The following C10orf90 variants were observed in gnomAD, a reference collection of about 807,000 sequenced individuals.
C10orf90 encodes (E2-independent) E3 ubiquitin-conjugating enzyme FATS.
A neutral mutation model predicts 62.5 loss-of-function variants in C10orf90; 56 were observed. That is an observed-to-expected ratio of 0.90 (90% CI 0.72 to 1.12). The LOEUF is 1.12. C10orf90 is among the 50% of genes most tolerant of loss of function. The pLI, the probability that C10orf90 is intolerant of heterozygous loss-of-function variation, is 0.00. For synonymous variants in C10orf90, 386 were observed against 340.4 expected (o/e 1.13, Z -1.47); for missense variants, 970 against 880.4 (o/e 1.10, Z -1.29).
chr10:126,470,258 G>A (rs1252364208), intron 4 of C10orf90: 2 of 349,226 alleles, frequency 5.7e-6, no homozygotes, highest in African/African-American at 4.3e-5. Context: ...TGGACATGGA[G>A]GCCATGAAAG....
intron 2 of C10orf90, among the ~76,000 whole-genome samples, chr10:126,528,645 G>A (rs1864013599): frequency 1.3e-5 from 2 of 152,202 alleles, no homozygotes; most frequent in Admixed American, 1.3e-4. Flanking sequence ...AGCACTGGGA[G>A]CCAAGCGAGT....
intron 3 of C10orf90, among the ~76,000 whole-genome samples, chr10:126,508,137 C>A (rs1191255895): frequency 7.0e-6 from 1 of 143,138 alleles, no homozygotes; most frequent in Non-Finnish European, 1.5e-5. Flanking sequence ...GCATAGAAAC[C>A]ACCTAGAGTG....
chr10:126,624,813 G>T (rs1038110766), intron 2 of C10orf90, among the ~76,000 whole-genome samples: 2 of 152,060 alleles, frequency 1.3e-5, no homozygotes, highest in Admixed American at 6.5e-5. Context: ...CCCCCACAGT[G>T]GGGGGCAGGC....
At chr10:126,622,966 A>T (rs762464665) in intron 2 of C10orf90, among the ~76,000 whole-genome samples, 2 of 152,224 alleles carry the variant, frequency 1.3e-5, no homozygotes, top group Non-Finnish European at 2.9e-5. Flanking sequence ...CTTCGCACGA[A>T]ATATTAAGAA....
At chr10:126,596,503 C>T (rs921594376) in intron 2 of C10orf90, among the ~76,000 whole-genome samples, 2 of 152,122 alleles carry the variant, frequency 1.3e-5, no homozygotes, top group African/African-American at 4.8e-5. Context: ...GGGGTTACAT[C>T]CTGACAAATC....
At chr10:126,654,827 A>G (rs1470583608) in intron 1 of C10orf90, among the ~76,000 whole-genome samples, 2 of 152,102 alleles carry the variant, frequency 1.3e-5, no homozygotes, top group African/African-American at 2.4e-5. Flanking sequence ...TCACTTGAAC[A>G]CTCAGAGGCC....
intron 2 of C10orf90, among the ~76,000 whole-genome samples, chr10:126,572,347 G>C (rs1844523909): frequency 6.6e-6 from 1 of 152,120 alleles, no homozygotes; most frequent in Non-Finnish European, 1.5e-5. Context: ...TTTAGGGCGA[G>C]TCCACAGTGC....
chr10:126,604,451 A>T (rs530233241), intron 2 of C10orf90, among the ~76,000 whole-genome samples: 37 of 152,348 alleles, frequency 2.4e-4, no homozygotes, highest in African/African-American at 8.7e-4. Context: ...GCACTTTTTT[A>T]AAAGGTAGAG....
At chr10:126,612,999 G>A (rs76453540) in intron 2 of C10orf90, among the ~76,000 whole-genome samples, 3,468 of 152,126 alleles carry the variant, frequency 0.023, 132 homozygotes, top group African/African-American at 0.076. Flanking sequence ...CTGATGTCTC[G>A]TGAGGCATTC....
intron 1 of C10orf90, among the ~76,000 whole-genome samples, chr10:126,658,405 G>A (rs1846439390): frequency 6.6e-6 from 1 of 152,166 alleles, no homozygotes; most frequent in Non-Finnish European, 1.5e-5. Flanking sequence ...TAAAATTATA[G>A]GAAGCAATGA....
At chr10:126,447,132 C>T (rs1564798070) in intron 7 of C10orf90, among the ~76,000 whole-genome samples, 1 of 151,832 alleles carries the variant, frequency 6.6e-6, no homozygotes, top group Non-Finnish European at 1.5e-5. Flanking sequence ...CTAAAAAACA[C>T]ACCAGAAAAC....
chr10:126,594,080 G>T (rs1845034891), intron 2 of C10orf90, among the ~76,000 whole-genome samples: 1 of 145,534 alleles, frequency 6.9e-6, no homozygotes, highest in East Asian at 2.1e-4. Context: ...TAATCACATA[G>T]TTACCTAATT....
rs116627930 is a variant in C10orf90, at chr10:126,515,547, G to A, written c.314-1608C>T. On this transcript the variant is annotated intron_variant, in intron 2 of 9. Transcript: ENST00000488181. ...CACGTTTCTAGCCCAGGAACAATATGCCATACCATACCGCCTAGGTGCATA... is the reference window on the plus strand; with the variant it reads ...CACGTTTCTAGCCCAGGAACAATATACCATACCATACCGCCTAGGTGCATA... Among the ~76,000 whole-genome samples, 1,248 of 152,230 alleles carry A rather than the reference G, an allele frequency of 8.2e-3. 15 individuals are homozygous for A. The highest frequency in any genetic ancestry group is 0.027 in the African/African-American group (1,104 of 41,534).
intron 1 of C10orf90, among the ~76,000 whole-genome samples, chr10:126,659,457 C>A (rs1207055444): frequency 6.6e-6 from 1 of 152,200 alleles, no homozygotes; most frequent in African/African-American, 2.4e-5. Context: ...CATAAAATAG[C>A]AAGCGACGTG....
chr10:126,573,972 A>G (rs996680064), intron 2 of C10orf90, among the ~76,000 whole-genome samples: 2 of 152,196 alleles, frequency 1.3e-5, no homozygotes, highest in African/African-American at 2.4e-5. Context: ...CACAAATAGA[A>G]GTTTGTGGTA....
chr10:126,573,618 C>T (rs1271895705), intron 2 of C10orf90, among the ~76,000 whole-genome samples: 1 of 152,152 alleles, frequency 6.6e-6, no homozygotes, highest in Non-Finnish European at 1.5e-5. Flanking sequence ...TCCACAGCCC[C>T]CACACTTCTG....
At chr10:126,623,136 G>C (rs1398365688) in intron 2 of C10orf90, among the ~76,000 whole-genome samples, 1 of 152,166 alleles carries the variant, frequency 6.6e-6, no homozygotes, top group Non-Finnish European at 1.5e-5. Context: ...GCAGACTTCA[G>C]AGGAGTGTTT....
At chr10:126,580,418 G>A (rs1443652484) in intron 2 of C10orf90, among the ~76,000 whole-genome samples, 1 of 152,184 alleles carries the variant, frequency 6.6e-6, no homozygotes, top group East Asian at 1.9e-4. Context: ...CACTTTGGGA[G>A]CCCGAGGCAG....
intron 7 of C10orf90, among the ~76,000 whole-genome samples, chr10:126,457,242 G>T (rs1327510440): frequency 6.6e-6 from 1 of 152,206 alleles, no homozygotes; most frequent in Non-Finnish European, 1.5e-5. Context: ...ACCCATCTTG[G>T]CCTCCCAAAG....
Sources: allele counts gnomAD v4.1 joint callset (sites outside exome capture counted in the v4.1 genomes callset), GRCh38; gene constraint gnomAD v4.1.1; transcripts MANE v1.5; gene names NCBI Gene and HGNC (gene_info 2026-07-23, HGNC 2026-07-21).